Variants in DYM observed in about 807,000 individuals in gnomAD.
DYM encodes the protein dyggve-Melchior-Clausen syndrome protein.
In DYM, 78 loss-of-function variants were observed where a neutral mutation model predicts 93.1. The ratio of observed to expected loss-of-function variants is 0.84; its 90% confidence interval spans 0.70 to 1.01. The LOEUF (loss-of-function observed/expected upper bound fraction) is 1.01, where lower values mean the gene tolerates loss of function less well. Among genes scored for constraint, DYM ranks in the 50% least tolerant of loss-of-function variants. DYM has a pLI of 0.00. For synonymous variants in DYM, 321 were observed against 319.7 expected, an observed-to-expected ratio of 1.00 and a Z score of -0.04; for missense variants, 789 against 845.0, an observed-to-expected ratio of 0.93 and a Z score of 0.82.
intron 2 of DYM, chr18:49,418,130 T>C (rs2073213194): frequency 6.6e-6 from 1 of 151,262 alleles, no homozygotes; most frequent in Admixed American, 6.6e-5. Flanking sequence ...CTAACTATTA[T>C]AGCCTGAGAA....
chr18:49,067,838 T>C (rs1017614758), intron 17 of DYM, among the ~76,000 whole-genome samples: 4 of 152,108 alleles, frequency 2.6e-5, no homozygotes, highest in African/African-American at 7.2e-5. Context: ...TTTATGGTAC[T>C]AGAATACTGA....
chr18:49,373,594 T>C (rs1302011358), intron 5 of DYM, among the ~76,000 whole-genome samples: 1 of 152,182 alleles, frequency 6.6e-6, no homozygotes, highest in Admixed American at 6.5e-5. Context: ...TTGTGCCAAC[T>C]TCCTATCTCA....
intron 2 of DYM, among the ~76,000 whole-genome samples, chr18:49,425,594 A>G (rs961302941): frequency 3.7e-4 from 57 of 152,316 alleles, no homozygotes; most frequent in Non-Finnish European, 7.2e-4. Flanking sequence ...AACTACCATC[A>G]GAGTGAACAG....
chr18:49,145,445 C>T (rs1309111869), intron 15 of DYM, among the ~76,000 whole-genome samples: 2 of 152,036 alleles, frequency 1.3e-5, no homozygotes, highest in East Asian at 1.9e-4. Context: ...TCATGTAAAA[C>T]ATTTATGGAG....
intron 17 of DYM, among the ~76,000 whole-genome samples, chr18:49,092,670 T>C (rs2079152867): frequency 6.6e-6 from 1 of 152,180 alleles, no homozygotes; most frequent in African/African-American, 2.4e-5. Context: ...GATGCTTTGC[T>C]TGTATATTAT....
At position 49,217,968 on chromosome 18, in the gene DYM, T is replaced by A. The variant is rs187083049; in HGVS notation, c.1461-8253A>T. On this transcript the variant is annotated intron_variant, in intron 13 of 17. Coordinates refer to ENST00000675505, the MANE Select transcript of DYM (RefSeq NM_001353214.3). ...AAAAGACACAGACTGGCAAATTGGA[T>A]AAACGGTCAAGACCCATCAGTGTGC... Among the ~76,000 whole-genome samples the A allele has an allele frequency of 1.2e-4, 18 of 152,170 alleles. 1 individual carries two copies. The highest frequency in any genetic ancestry group is 4.3e-4 in the African/African-American group (18 of 41,518).
intron 16 of DYM, chr18:49,114,576 A>T (rs1395051810): frequency 1.0e-6 from 1 of 985,224 alleles, no homozygotes; most frequent in Non-Finnish European, 1.2e-6. Flanking sequence ...ATGTGTTTCA[A>T]ATGGATGTAG....
chr18:49,344,950 T>C (rs1679983278), intron 6 of DYM, among the ~76,000 whole-genome samples: 1 of 152,004 alleles, frequency 6.6e-6, no homozygotes, highest in African/African-American at 2.4e-5. Context: ...AAAGTAAGGG[T>C]ATAAAGGTAG....
intron 13 of DYM, among the ~76,000 whole-genome samples, chr18:49,218,791 C>A (rs2093204871): frequency 6.6e-6 from 1 of 152,142 alleles, no homozygotes; most frequent in African/African-American, 2.4e-5. Context: ...TAAATGCCCA[C>A]AAGAGAAAGC....
At chr18:49,200,653 C>G (rs560942618) in intron 14 of DYM, among the ~76,000 whole-genome samples, 109 of 152,042 alleles carry the variant, frequency 7.2e-4, no homozygotes, top group South Asian at 1.5e-3. Flanking sequence ...AAGATAAATT[C>G]CAATATATTA....
intron 1 of DYM, among the ~76,000 whole-genome samples, chr18:49,441,698 A>T (rs1408215226): frequency 6.6e-6 from 1 of 152,032 alleles, no homozygotes; most frequent in Non-Finnish European, 1.5e-5. Context: ...AGCCGACCTG[A>T]GGAAGCCCCA....
intron 13 of DYM, among the ~76,000 whole-genome samples, chr18:49,213,845 A>T (rs903088656): frequency 1.2e-4 from 18 of 152,236 alleles, no homozygotes; most frequent in Non-Finnish European, 1.9e-4. Flanking sequence ...CTATATAAAG[A>T]AAATTACCAA....
At chr18:49,203,871 T>TAAAAAAAAAAAAAAA (rs71165370) in intron 14 of DYM, among the ~76,000 whole-genome samples, 1 of 63,548 alleles carries the variant, frequency 1.6e-5, no homozygotes, top group Non-Finnish European at 2.8e-5. Context: ...TTTAAAAAAG[T>TAAAAAAAAAAAAAAA]AAAAAAAAAA....
intron 1 of DYM, among the ~76,000 whole-genome samples, chr18:49,449,764 C>T (rs2082370414): frequency 6.6e-6 from 1 of 152,168 alleles, no homozygotes; most frequent in African/African-American, 2.4e-5. Context: ...TGTAACCAAT[C>T]TGGTGTGCTT....
At chr18:49,383,382 T>C (rs1031850342) in intron 3 of DYM, among the ~76,000 whole-genome samples, 19 of 152,176 alleles carry the variant, frequency 1.2e-4, no homozygotes, top group African/African-American at 4.6e-4. Context: ...CTGATACAGA[T>C]GTTCAATCTG....
intron 17 of DYM, among the ~76,000 whole-genome samples, chr18:49,081,286 A>C (rs833496): frequency 9.3e-5 from 14 of 150,376 alleles, no homozygotes; most frequent in African/African-American, 3.4e-4. Context: ...CGGATCACTC[A>C]TGGTTAGGAG....
At chr18:49,380,474 C>T (rs2067942395) in intron 3 of DYM, among the ~76,000 whole-genome samples, 2 of 152,192 alleles carry the variant, frequency 1.3e-5, no homozygotes, top group Non-Finnish European at 2.9e-5. Flanking sequence ...CATGCATTAA[C>T]TCATTTAATC....
intron 3 of DYM, chr18:49,391,376 G>A (rs940686891): frequency 5.5e-6 from 3 of 544,276 alleles, no homozygotes; most frequent in Admixed American, 5.9e-5. Context: ...GCTTAGCAGA[G>A]TCCATTACCA....
chr18:49,437,487 T>C (rs1600243056), intron 1 of DYM, among the ~76,000 whole-genome samples: 1 of 152,350 alleles, frequency 6.6e-6, no homozygotes, highest in East Asian at 1.9e-4. Context: ...AATGTCATTC[T>C]CCAATAAGAT....
Sources: gnomAD v4.1 joint callset for allele counts (sites outside exome capture counted in the v4.1 genomes callset) on GRCh38, gnomAD v4.1.1 for gene constraint, MANE v1.5 for transcripts, NCBI Gene and HGNC (gene_info 2026-07-23, HGNC 2026-07-21) for gene names.